GSTA2: variants seen among roughly 807,000 people sequenced by gnomAD.
The protein encoded by GSTA2 is glutathione S-transferase A2.
In GSTA2, 27 loss-of-function variants were observed where a neutral mutation model predicts 22.4. The observed-to-expected ratio is 1.21, with a 90% CI of 0.89 to 1.67. The LOEUF is 1.67. Among genes scored for constraint, GSTA2 ranks in the 40% most tolerant of loss-of-function variants. The pLI, the probability that GSTA2 is intolerant of heterozygous loss-of-function variation, is 0.00. For synonymous variants in GSTA2, 121 were observed against 86.8 expected (o/e 1.39, Z -2.19); for missense variants, 302 against 260.2 (o/e 1.16, Z -1.11).
intron 1 of GSTA2, among the ~76,000 whole-genome samples, chr6:52,760,829 T>A (rs1380513249): frequency 6.6e-6 from 1 of 152,206 alleles, no homozygotes; most frequent in Non-Finnish European, 1.5e-5. Context: ...AGTGTGCCTT[T>A]CTCTACTTTG....
At chr6:52,757,678 CT>C (rs1159551706) in intron 2 of GSTA2, among the ~76,000 whole-genome samples, 182 bp downstream of exon 2, 2 of 152,244 alleles carry the variant, frequency 1.3e-5, no homozygotes, top group East Asian at 3.9e-4. Context: ...AATATGTATG[CT>C]TTTAGAGGAG....
At position 52,752,714 on chromosome 6, in the gene GSTA2, T is replaced by A. The variant is rs1762765489; in HGVS notation, c.414+140A>T. ...TTTCTCCAAGTCTATTTTCATAAAATGCCTTGAGAGTCAGAGTGCTGCATT... is the reference window on the plus strand; with the variant it reads ...TTTCTCCAAGTCTATTTTCATAAAAAGCCTTGAGAGTCAGAGTGCTGCATT... On this transcript the variant is annotated intron_variant, in intron 5 of 6. Coordinates refer to ENST00000493422, the MANE Select transcript of GSTA2 (RefSeq NM_000846.5). 1.1e-5 allele frequency: 11 copies of A among 992,368 alleles called. No homozygotes were observed. In the South Asian group the frequency reaches 1.2e-4, roughly 11 times the overall value. 61.5% of individuals were successfully genotyped at this position (992,368 alleles called of 1,614,324 possible). A position where few individuals can be genotyped will look rare whatever the true frequency, so the allele number is the denominator to read the frequency against.
chr6:52,755,204 A>C, intron 3 of GSTA2, 129 bp from the exon 4 acceptor site: 5 of 1,146,422 alleles, frequency 4.4e-6, no homozygotes, highest in East Asian at 2.6e-5. Context: ...GTAAGAGTTC[A>C]CTTGAAACAA....
In GSTA2 at chr6:52,750,219, G is replaced by T. The variant is rs1170571556; in HGVS notation, c.*358C>A. The T allele has an allele frequency of 1.1e-5, 2 of 190,026 alleles. No homozygotes were observed. The highest frequency in any genetic ancestry group is 1.4e-4 in the East Asian group (1 of 6,972). The allele number at this position is 190,026 out of a possible 1,614,324, so 11.8% of individuals were successfully genotyped here. A position where few individuals can be genotyped will look rare whatever the true frequency, so the allele number is the denominator to read the frequency against. The stretch of plus-strand genomic sequence containing the variant: ...CTGTGCATACCTGAAAATGTCAGAG[G>T]TGCATTTTTACATTGGCATTTTAAT... On this transcript the variant is annotated 3_prime_UTR_variant, in exon 7 of 7. Transcript: ENST00000493422.
Position 52,750,645 on chromosome 6 carries a change from C to A in GSTA2, c.601G>T (p.Gly201Cys), listed in dbSNP as rs1762720018. 1.2e-6 allele frequency: 2 copies of A among 1,613,626 alleles called. No homozygotes were observed. Among genetic ancestry groups the A allele is most frequent in the Non-Finnish European group, 1.7e-6 (2 of 1,179,840 alleles). The change falls in exon 7 of 7, where the codon GGC becomes TGC. Residue 201 changes from glycine to cysteine, a missense_variant. By Grantham distance (159) the Gly-to-Cys change is radical. Coordinates refer to ENST00000493422, the MANE Select transcript of GSTA2 (RefSeq NM_000846.5). ...TCCATGGGAGGCTTCCTTGGGCTGCCAGGCTGTAGAAACTTCTTCACTGTG... is the reference window on the plus strand; with the variant it reads ...TCCATGGGAGGCTTCCTTGGGCTGCAAGGCTGTAGAAACTTCTTCACTGTG... ...LPTVKKFLQP[G>C]SPRKPPMDEK...
Position 52,750,933 on chromosome 6 carries a change from C to T in GSTA2, c.547-234G>A, listed in dbSNP as rs113668604. Reference sequence around the variant, plus strand: ...TTTTAATCAGTTCAGTCATCCCTATCTTTCTTCTTACATATTAATCCTATA... The same window carrying T: ...TTTTAATCAGTTCAGTCATCCCTATTTTTCTTCTTACATATTAATCCTATA... On this transcript the variant is annotated intron_variant, in intron 6 of 6. Coordinates refer to ENST00000493422, the MANE Select transcript of GSTA2 (RefSeq NM_000846.5). Among the ~76,000 whole-genome samples the T allele has an allele frequency of 3.5e-3, 528 of 152,308 alleles. 3 individuals carry two copies. Among genetic ancestry groups the T allele is most frequent in the African/African-American group, 0.012 (503 of 41,558 alleles).
intron 2 of GSTA2, 125 bp downstream of exon 2, chr6:52,757,736 A>T: frequency 2.4e-6 from 2 of 823,364 alleles, no homozygotes; most frequent in Non-Finnish European, 4.0e-6. Context: ...TCTTTTTCTT[A>T]ATTACAGTCC....
At chr6:52,751,459 G>A in intron 6 of GSTA2, 118 bp downstream of exon 6, 2 of 1,584,194 alleles carry the variant, frequency 1.3e-6, no homozygotes, top group Non-Finnish European at 1.7e-6. Flanking sequence ...GGAGACCTTG[G>A]GGCACCAAAG....
At chr6:52,759,467 T>TTA (rs1762910172) in intron 1 of GSTA2, among the ~76,000 whole-genome samples, 1 of 151,510 alleles carries the variant, frequency 6.6e-6, no homozygotes, top group East Asian at 1.9e-4. Context: ...AACCCCCAGC[T>TTA]CTGTTATTAA....
rs781627640 is a variant in GSTA2 at position 52,750,550 on chromosome 6, A to G, written c.*27T>C. ...CAAAACTTTAGAATACTGGTCTTGC[A>G]TGTTCTTGACCTCTATGGCTGGTTT... On this transcript the variant is annotated 3_prime_UTR_variant, in exon 7 of 7. Coordinates refer to ENST00000493422, the MANE Select transcript of GSTA2 (RefSeq NM_000846.5). The G allele has an allele frequency of 6.2e-7, 1 of 1,611,796 alleles. No individual in the cohort carries two copies. Among genetic ancestry groups the G allele is most frequent in the Non-Finnish European group, 8.5e-7 (1 of 1,178,564 alleles).
intron 5 of GSTA2, among the ~76,000 whole-genome samples, chr6:52,751,992 CT>C (rs1177650131): frequency 6.6e-6 from 1 of 152,218 alleles, no homozygotes; most frequent in Non-Finnish European, 1.5e-5. Context: ...GGGCCAAGGG[CT>C]TAGCACCTGC....
intron 1 of GSTA2, among the ~76,000 whole-genome samples, chr6:52,759,089 A>T (rs11969892): frequency 0.039 from 5,995 of 152,316 alleles, 222 homozygotes; most frequent in South Asian, 0.13. Context: ...CCATTACTTT[A>T]AAAAATAAAT....
intron 1 of GSTA2, among the ~76,000 whole-genome samples, chr6:52,762,644 T>C (rs56781306): frequency 0.012 from 1,805 of 152,336 alleles, 38 homozygotes; most frequent in African/African-American, 0.04. Context: ...ACTCAGAGAC[T>C]GGCGCCAGCG....
In GSTA2 at chr6:52,754,099, C is replaced by T. The variant is rs116015846; in HGVS notation, c.272+844G>A. On this transcript the variant is annotated intron_variant, in intron 4 of 6. Coordinates refer to ENST00000493422, the MANE Select transcript of GSTA2 (RefSeq NM_000846.5). The stretch of plus-strand genomic sequence containing the variant: ...ATATCTTTCCATTGCATGGCTAAGG[C>T]GCATTTTTCTCCTCCATTTATTGAT... Among the ~76,000 whole-genome samples the T allele has an allele frequency of 4.8e-3, 728 of 152,256 alleles. 5 individuals are homozygous for T. Among genetic ancestry groups the T allele is most frequent in the African/African-American group, 0.016 (682 of 41,534 alleles).
rs533894957 is a variant in GSTA2 at position 52,758,021 on chromosome 6, G to C, written c.-30-44C>G. On this transcript the variant is annotated intron_variant, in intron 1 of 6. Coordinates refer to ENST00000493422, the MANE Select transcript of GSTA2 (RefSeq NM_000846.5). ...GAATGAATGAATAATTGAAACGATA[G>C]AATCAAAAATGTACTTTAGGATGTA... The C allele has an allele frequency of 4.2e-3, 4,759 of 1,139,902 alleles. 139 individuals carry two copies. In the African/African-American group the frequency reaches 0.062, roughly 15 times the overall value. 70.6% of individuals were successfully genotyped at this position (1,139,902 alleles called of 1,614,324 possible).
chr6:52,761,138 T>G (rs1195832912), intron 1 of GSTA2, among the ~76,000 whole-genome samples: 1 of 152,180 alleles, frequency 6.6e-6, no homozygotes, highest in East Asian at 1.9e-4. Flanking sequence ...TTTCTACTTT[T>G]GAGGGTTGTT....
intron 3 of GSTA2, among the ~76,000 whole-genome samples, chr6:52,756,031 G>T (rs1445483375): frequency 6.6e-6 from 1 of 152,064 alleles, no homozygotes; most frequent in Non-Finnish European, 1.5e-5. Context: ...CTCAGGGGTG[G>T]GAGATTGTTC....
intron 1 of GSTA2, among the ~76,000 whole-genome samples, chr6:52,761,679 C>G (rs532456860): frequency 2.0e-5 from 3 of 150,488 alleles, no homozygotes; most frequent in Admixed American, 1.5e-4. Flanking sequence ...TTGCTTAGCC[C>G]CATGAGGTCA....
intron 5 of GSTA2, 103 bp from the exon 6 acceptor site, chr6:52,751,811 C>A: frequency 2.6e-6 from 4 of 1,532,594 alleles, no homozygotes; most frequent in Non-Finnish European, 3.6e-6. Flanking sequence ...CCTCTGTTGC[C>A]TTACTGCATG....
Sources: allele counts gnomAD v4.1 joint callset (sites outside exome capture counted in the v4.1 genomes callset), GRCh38; gene constraint gnomAD v4.1.1; transcripts MANE v1.5; gene names NCBI Gene and HGNC (gene_info 2026-07-23, HGNC 2026-07-21).